The following HID1 variants were observed in gnomAD, a reference collection of about 807,000 sequenced individuals.
HID1 encodes protein HID1.
Under a neutral mutation model 89.7 loss-of-function variants are expected in HID1, and 42 were observed. The ratio of observed to expected loss-of-function variants is 0.47; its 90% CI spans 0.37 to 0.61. HID1 has a LOEUF of 0.61. HID1 is among the 20% of genes least tolerant of loss of function. The pLI, the probability that HID1 is intolerant of heterozygous loss-of-function variation, is 0.00. For missense variants in HID1, 854 were observed against 1,039.3 expected (o/e 0.82, Z 2.45); for synonymous variants, 442 against 433.8 (o/e 1.02, Z -0.24).
At chr17:74,965,692 G>T (rs556150277) in intron 1 of HID1, among the ~76,000 whole-genome samples, 243 of 152,256 alleles carry the variant, frequency 1.6e-3, no homozygotes, top group African/African-American at 5.6e-3. Flanking sequence ...GCTGAGGTGG[G>T]TGGATCACCT....
Position 74,958,277 on chromosome 17 carries a change from G to A in HID1, c.1392+50C>T. On this transcript the variant is annotated intron_variant, in intron 11 of 18. Coordinates refer to ENST00000425042, the MANE Select transcript of HID1 (RefSeq NM_030630.3). This position sits in a 1 kb window ranked among gnomAD's most constrained non-coding sequence, Gnocchi z 5.2. ...CCCCGCTGCCTCCAGACTCAGCCAAGAGGACACCACCCCTGCACCTCCTGG... is the reference window on the plus strand; with the variant it reads ...CCCCGCTGCCTCCAGACTCAGCCAAAAGGACACCACCCCTGCACCTCCTGG... 1 of 1,610,316 alleles carries A rather than the reference G, an allele frequency of 6.2e-7. No individual in the cohort carries two copies. The highest frequency in any genetic ancestry group is 8.5e-7 in the Non-Finnish European group (1 of 1,178,406).
chr17:74,963,373 T>C (rs1339893597), intron 3 of HID1: 3 of 493,280 alleles, frequency 6.1e-6, no homozygotes, highest in Non-Finnish European at 1.1e-5. Context: ...CTGTGTTGCA[T>C]CCCTCAGCAC....
intron 1 of HID1, among the ~76,000 whole-genome samples, chr17:74,969,151 G>A (rs1448747217): frequency 1.9e-5 from 1 of 53,562 alleles, no homozygotes; most frequent in Non-Finnish European, 3.6e-5. Flanking sequence ...AATGACCCCA[G>A]TTGGCCTCCA....
Position 74,962,116 on chromosome 17 carries a change from A to G in HID1, c.611+118T>C. On this transcript the variant is annotated intron_variant, in intron 5 of 18. Coordinates refer to ENST00000425042, the MANE Select transcript of HID1 (RefSeq NM_030630.3). This position sits in a 1 kb window ranked among gnomAD's most constrained non-coding sequence, Gnocchi z 4.3. ...ACTCCCGTTGACCCCTGTAAGGTCA[A>G]GGTCGGGTCATAGGTGAGGACGGTC... The G allele has an allele frequency of 8.9e-7, 1 of 1,127,122 alleles. No homozygotes were observed. The highest frequency in any genetic ancestry group is 2.4e-5 in the Admixed American group (1 of 41,522). The allele number at this position is 1,127,122 out of a possible 1,614,324, so 69.8% of individuals were successfully genotyped here.
intron 1 of HID1, 48 bp from the exon 2 acceptor site, chr17:74,964,680 G>A (rs369165469): frequency 1.8e-4 from 285 of 1,570,352 alleles, no homozygotes; most frequent in Non-Finnish European, 2.4e-4. Context: ...TGGCCAGAGG[G>A]CCTACACTTT....
chr17:74,965,544 C>T (rs1465547543), intron 1 of HID1, among the ~76,000 whole-genome samples: 1 of 152,228 alleles, frequency 6.6e-6, no homozygotes, highest in African/African-American at 2.4e-5. Context: ...TTCACCCAAG[C>T]TGTTCTCTCT....
intron 1 of HID1, among the ~76,000 whole-genome samples, chr17:74,968,732 C>G (rs987714662): frequency 6.6e-6 from 1 of 152,182 alleles, no homozygotes; most frequent in Non-Finnish European, 1.5e-5. Flanking sequence ...ACAGAGCCAT[C>G]TGGGAGTGCC....
At position 74,962,749 on chromosome 17, in the gene HID1, T is replaced by C. The variant is rs974574424; in HGVS notation, c.504+216A>G. 6.6e-6 allele frequency among the ~76,000 whole-genome samples: 1 copy of C among 152,162 alleles called. No individual in the cohort carries two copies. The highest frequency in any genetic ancestry group is 1.5e-5 in the Non-Finnish European group (1 of 68,016). On this transcript the variant is annotated intron_variant, in intron 4 of 18. Coordinates refer to ENST00000425042, the MANE Select transcript of HID1 (RefSeq NM_030630.3). The surrounding 1 kb of genome is among the most constrained non-coding windows in gnomAD (Gnocchi z 4.3). ...GGCAAGCAAAGACAATGGGTGTCTG[T>C]GCCCAGCCATCCGAACGCAGCGGGC...
In HID1 at chr17:74,962,768, A is replaced by G. The variant is rs2039502322; in HGVS notation, c.504+197T>C. 6.6e-6 allele frequency among the ~76,000 whole-genome samples: 1 copy of G among 152,188 alleles called. No individual in the cohort carries two copies. The highest frequency in any genetic ancestry group is 1.5e-5 in the Non-Finnish European group (1 of 68,014). On this transcript the variant is annotated intron_variant, in intron 4 of 18. Transcript: ENST00000425042. The surrounding 1 kb of genome is among the most constrained non-coding windows in gnomAD (Gnocchi z 4.3). The stretch of plus-strand genomic sequence containing the variant: ...TGTCTGTGCCCAGCCATCCGAACGC[A>G]GCGGGCAGGGCCAGCCCCAGCTGGC...
intron 1 of HID1, among the ~76,000 whole-genome samples, chr17:74,971,388 G>T (rs2039645508): frequency 6.6e-6 from 1 of 152,244 alleles, no homozygotes; most frequent in Admixed American, 6.5e-5. Context: ...GAGAAGTGCG[G>T]TCTGGTTTCT....
At position 74,958,456 on chromosome 17, in the gene HID1, A is replaced by G. The variant is rs757881153; in HGVS notation, c.1263T>C (p.Ile421=). Reference sequence around the variant, plus strand: ...TCAGAAGCAGCAAGATGAAGACACCAATGTGCATCAGGCCCACCCGAGCTG... The same window carrying G: ...TCAGAAGCAGCAAGATGAAGACACCGATGTGCATCAGGCCCACCCGAGCTG... The part of the protein sequence containing the change: ...ADQSRVGLMH[I]GVFILLLLSG... Residue 421 remains isoleucine, a synonymous_variant, in exon 11 of 19, where the codon ATT becomes ATC. Transcript: ENST00000425042. The surrounding 1 kb of genome is among the most constrained non-coding windows in gnomAD (Gnocchi z 5.2). The G allele has an allele frequency of 2.5e-6, 4 of 1,598,500 alleles. No homozygotes were observed. The highest frequency in any genetic ancestry group is 1.1e-5 in the South Asian group (1 of 88,874).
In HID1 at chr17:74,958,955, G is replaced by C; in HGVS notation, c.1105C>G (p.Gln369Glu). Residue 369 changes from glutamine (Q) to glutamate (E), a missense_variant, in exon 9 of 19, where the codon CAG becomes GAG. Physicochemically the swap from Gln to Glu is conservative, Grantham distance 29. Coordinates refer to ENST00000425042, the MANE Select transcript of HID1 (RefSeq NM_030630.3). The surrounding 1 kb of genome is among the most constrained non-coding windows in gnomAD (Gnocchi z 5.2). ...PNSTKKIQFH[Q>E]ELLVLFWKLC... ...TTCCAGAAGAGAACTAGCAGCTCCTGGTGGAACTGGATCTTCTTGGTGGAG... is the reference window on the plus strand; with the variant it reads ...TTCCAGAAGAGAACTAGCAGCTCCTCGTGGAACTGGATCTTCTTGGTGGAG... The C allele has an allele frequency of 6.2e-7, 1 of 1,606,150 alleles. No individual in the cohort carries two copies. The highest frequency in any genetic ancestry group is 8.5e-7 in the Non-Finnish European group (1 of 1,177,268).
In HID1 at chr17:74,972,137, G is replaced by C. The variant is rs1681646201; in HGVS notation, c.66+454C>G. On this transcript the variant is annotated intron_variant, in intron 1 of 18. Transcript: ENST00000425042. The surrounding 1 kb of genome is among the most constrained non-coding windows in gnomAD (Gnocchi z 6.4). Reference sequence around the variant, plus strand: ...CACCAGCTGTTTCTCCGACCCGGGCGGACGCCAGCCAGGCTTTGTTTGCAT... The same window carrying C: ...CACCAGCTGTTTCTCCGACCCGGGCCGACGCCAGCCAGGCTTTGTTTGCAT... Among the ~76,000 whole-genome samples the C allele has an allele frequency of 6.6e-6, 1 of 152,284 alleles. No individual in the cohort carries two copies. The highest frequency in any genetic ancestry group is 2.1e-4 in the South Asian group (1 of 4,826).
intron 6 of HID1, 190 bp downstream of exon 6, chr17:74,961,683 C>A: frequency 2.7e-6 from 1 of 367,446 alleles, no homozygotes. Context: ...GAGGGGCCCC[C>A]AGATTCTGTC....
At chr17:74,960,318 C>A in intron 6 of HID1, 70 bp from the exon 7 acceptor site, 1 of 1,356,176 alleles carries the variant, frequency 7.4e-7, no homozygotes, top group East Asian at 2.4e-5. Flanking sequence ...ACCTCTCTGG[C>A]CACGTGGGAA....
At position 74,960,054 on chromosome 17, in the gene HID1, G is replaced by A; in HGVS notation, c.923C>T (p.Thr308Ile). The change falls in exon 7 of 19, where the codon ACC (threonine) becomes ATC (isoleucine). Residue 308 changes from threonine (T) to isoleucine (I), a missense_variant. Coordinates refer to ENST00000425042, the MANE Select transcript of HID1 (RefSeq NM_030630.3). ...GGCATCATCCATGGCGGTGCCAGTG[G>A]TGGTGCCGTCCACAGTGGGGCTGGC... ...SSASPTVDGT[T>I]TGTAMDDADP... The A allele has an allele frequency of 1.9e-6, 3 of 1,613,662 alleles. No individual in the cohort carries two copies. Among genetic ancestry groups the A allele is most frequent in the African/African-American group, 1.3e-5 (1 of 75,066 alleles).
In HID1 at chr17:74,962,075, T is replaced by C. The variant is rs2039489989; in HGVS notation, c.612-86A>G. 2 of 1,195,024 alleles carry C rather than the reference T, an allele frequency of 1.7e-6. No homozygotes were observed. The highest frequency in any genetic ancestry group is 2.3e-6 in the Non-Finnish European group (2 of 861,220). 74.0% of individuals were successfully genotyped at this position (1,195,024 alleles called of 1,614,324 possible). A position where few individuals can be genotyped will look rare whatever the true frequency, so the allele number is the denominator to read the frequency against. Reference sequence around the variant, plus strand: ...ACCCAGCCCAGCGCCCCAGCCCAGGTCCATGGAAGGAAGTTACTCCCGTTG... The same window carrying C: ...ACCCAGCCCAGCGCCCCAGCCCAGGCCCATGGAAGGAAGTTACTCCCGTTG... On this transcript the variant is annotated intron_variant, in intron 5 of 18. Transcript: ENST00000425042. The surrounding 1 kb of genome is among the most constrained non-coding windows in gnomAD (Gnocchi z 4.3).
chr17:74,960,933 G>C (rs1240266566), intron 6 of HID1, among the ~76,000 whole-genome samples: 1 of 152,168 alleles, frequency 6.6e-6, no homozygotes, highest in African/African-American at 2.4e-5. Flanking sequence ...TGGCACGTGT[G>C]ACACCCTCCC....
Position 74,959,046 on chromosome 17 carries a change from G to C in HID1, c.1014C>G (p.Phe338Leu), listed in dbSNP as rs1184353563. The C allele has an allele frequency of 1.3e-6, 2 of 1,565,372 alleles. No homozygotes were observed. Among genetic ancestry groups the C allele is most frequent in the Middle Eastern group, 1.7e-4 (1 of 5,726 alleles). The change falls in exon 9 of 19, where the codon TTC becomes TTG. Residue 338 changes from phenylalanine to leucine, a missense_variant. Phe to Leu is a conservative substitution (Grantham distance 22). Transcript: ENST00000425042. This position sits in a 1 kb window ranked among gnomAD's most constrained non-coding sequence, Gnocchi z 4.6. Reference sequence around the variant, plus strand: ...GGGCTATACCCTTGAGGATGAACTGGAAGTCCTGGGGGCGAGGGCAGAGCA... The same window carrying C: ...GGGCTATACCCTTGAGGATGAACTGCAAGTCCTGGGGGCGAGGGCAGAGCA... Reference protein sequence around the residue: ...YLSRIHREEDFQFILKGIARL... With the variant: ...YLSRIHREEDLQFILKGIARL...
Sources: gnomAD v4.1 joint callset for allele counts (sites outside exome capture counted in the v4.1 genomes callset) on GRCh38, gnomAD v4.1.1 for gene constraint, Gnocchi (gnomAD v3.1) non-coding constraint, MANE v1.5 for transcripts, NCBI Gene and HGNC (gene_info 2026-07-23, HGNC 2026-07-21) for gene names.